The following TANC2 variants were observed in gnomAD, a reference collection of about 807,000 sequenced individuals.
TANC2 encodes the protein protein TANC2.
Under a neutral mutation model 210.5 loss-of-function variants are expected in TANC2, and 26 were observed. The observed-to-expected ratio is 0.12, with a 90% CI of 0.09 to 0.17. TANC2 has a LOEUF of 0.17. TANC2 is among the 10% of genes least tolerant of loss of function. The pLI is 1.00. For missense variants in TANC2, 2,129 were observed against 2,608.9 expected (o/e 0.82, Z 4.01); for synonymous variants, 931 against 967.1 (o/e 0.96, Z 0.69).
At chr17:63,384,264 G>T (rs2047706131) in intron 15 of TANC2, among the ~76,000 whole-genome samples, 1 of 151,884 alleles carries the variant, frequency 6.6e-6, no homozygotes, top group African/African-American at 2.4e-5. Context: ...AGAGATGGGG[G>T]TCTCACCATG....
intron 3 of TANC2, among the ~76,000 whole-genome samples, chr17:63,094,995 C>T (rs768520058): frequency 3.3e-5 from 5 of 151,844 alleles, no homozygotes; most frequent in Non-Finnish European, 5.9e-5. Context: ...ATTCCTCCCC[C>T]GCCCCGCCTT....
intron 14 of TANC2, among the ~76,000 whole-genome samples, chr17:63,369,576 C>T (rs1453165287): frequency 1.2e-4 from 15 of 128,568 alleles, no homozygotes; most frequent in Non-Finnish European, 1.8e-4. Context: ...TTTTTTGAGA[C>T]GGGGTCTCAC....
intron 14 of TANC2, among the ~76,000 whole-genome samples, chr17:63,361,992 C>T (rs1598943187): frequency 6.6e-6 from 1 of 152,108 alleles, no homozygotes; most frequent in African/African-American, 2.4e-5. Context: ...AGAGAGGAGA[C>T]CTGGAATGGG....
At chr17:63,328,446 T>C (rs2045728211) in intron 11 of TANC2, among the ~76,000 whole-genome samples, 1 of 151,730 alleles carries the variant, frequency 6.6e-6, no homozygotes, top group Non-Finnish European at 1.5e-5. Context: ...AGAATACTAC[T>C]TAGCCTTTAA....
chr17:63,322,287 A>C (rs2045518751), intron 11 of TANC2, among the ~76,000 whole-genome samples: 1 of 152,182 alleles, frequency 6.6e-6, no homozygotes, highest in Admixed American at 6.5e-5. Flanking sequence ...CCACAAGGTC[A>C]GGAGATCGAG....
intron 13 of TANC2, among the ~76,000 whole-genome samples, chr17:63,352,842 G>C (rs2046657213): frequency 6.6e-6 from 1 of 151,966 alleles, no homozygotes; most frequent in African/African-American, 2.4e-5. Context: ...CTGTTCTAGG[G>C]GCTGGAGATT....
At chr17:62,988,317 T>TTA (rs1555744001) in intron 1 of TANC2, among the ~76,000 whole-genome samples, 8 of 150,056 alleles carry the variant, frequency 5.3e-5, no homozygotes, top group Admixed American at 5.3e-4. Flanking sequence ...TTTTTTTTTT[T>TTA]AGTAGAGATG....
chr17:63,342,852 A>G (rs1598898129), intron 12 of TANC2, among the ~76,000 whole-genome samples: 1 of 152,346 alleles, frequency 6.6e-6, no homozygotes, highest in East Asian at 1.9e-4. Context: ...TAGTTTTGCT[A>G]CAAGATATAT....
At chr17:63,023,938 A>G (rs1351325864) in intron 2 of TANC2, among the ~76,000 whole-genome samples, 2 of 152,196 alleles carry the variant, frequency 1.3e-5, no homozygotes, top group African/African-American at 2.4e-5. Context: ...AGTGCTTCTC[A>G]TCAGATAGAC....
Position 63,420,191 on chromosome 17 carries a change from C to T in TANC2, c.4461C>T (p.Asp1487=). 1 of 1,594,426 alleles carries T rather than the reference C, an allele frequency of 6.3e-7. No homozygotes were observed. The highest frequency in any genetic ancestry group is 8.5e-7 in the Non-Finnish European group (1 of 1,169,896). ...CAGAACCTGAGCCACAGCATGAAGA[C>T]ATATACTCTGTACAGGATATATTCG... Residue 1487 remains aspartate (D), a synonymous_variant, in exon 28 of 28, where the codon GAC becomes GAT. Coordinates refer to ENST00000689528, the Ensembl canonical transcript of TANC2. The surrounding 1 kb of genome is among the most constrained non-coding windows in gnomAD (Gnocchi z 4.2).
chr17:63,421,492 C>T lies in TANC2; in HGVS notation c.5762C>T (p.Pro1921Leu). ...ACTCAAGGAGGTTACCCCAGTGAGCCCACCCGATCCAGGACCACACCATTC... is the reference window on the plus strand; with the variant it reads ...ACTCAAGGAGGTTACCCCAGTGAGCTCACCCGATCCAGGACCACACCATTC... The change falls in exon 28 of 28, where the codon CCC (proline) becomes CTC (leucine). Residue 1921 changes from proline (P) to leucine (L), a missense_variant. Coordinates refer to ENST00000689528, the Ensembl canonical transcript of TANC2. The surrounding 1 kb of genome is among the most constrained non-coding windows in gnomAD (Gnocchi z 6.9). 1.2e-6 allele frequency: 2 copies of T among 1,613,964 alleles called. No homozygotes were observed. Among genetic ancestry groups the T allele is most frequent in the Non-Finnish European group, 1.7e-6 (2 of 1,179,894 alleles).
intron 2 of TANC2, among the ~76,000 whole-genome samples, chr17:63,028,304 A>G (rs2034635171): frequency 1.3e-5 from 2 of 152,172 alleles, no homozygotes; most frequent in African/African-American, 4.8e-5. Context: ...GTAAAACTTC[A>G]CTTCTACTCT....
intron 2 of TANC2, among the ~76,000 whole-genome samples, chr17:63,059,628 TC>T (rs1487124455): frequency 1.3e-5 from 2 of 152,170 alleles, no homozygotes; most frequent in African/African-American, 4.8e-5. Flanking sequence ...TTTTTCATTT[TC>T]CCAGTTTTCA....
At chr17:63,295,392 T>C (rs2044504454) in intron 9 of TANC2, among the ~76,000 whole-genome samples, 1 of 152,258 alleles carries the variant, frequency 6.6e-6, no homozygotes, top group South Asian at 2.1e-4. Context: ...TAATAGACTA[T>C]TTCTCAGAAA....
intron 4 of TANC2, among the ~76,000 whole-genome samples, chr17:63,128,881 T>G (rs1482696008): frequency 1.3e-5 from 2 of 152,236 alleles, no homozygotes; most frequent in Admixed American, 1.3e-4. Flanking sequence ...TAGTAACGTG[T>G]CATTCCTATC....
intron 9 of TANC2, among the ~76,000 whole-genome samples, chr17:63,302,517 C>T (rs1326370937): frequency 6.7e-6 from 1 of 150,134 alleles, no homozygotes; most frequent in Non-Finnish European, 1.5e-5. Flanking sequence ...ATCCCTTTAC[C>T]ATTATGTAAT....
intron 1 of TANC2, among the ~76,000 whole-genome samples, chr17:63,006,383 A>T (rs1180787019): frequency 1.3e-5 from 2 of 151,968 alleles, no homozygotes; most frequent in Non-Finnish European, 2.9e-5. Context: ...TTTACTTCTA[A>T]TACATACATT....
intron 4 of TANC2, among the ~76,000 whole-genome samples, chr17:63,102,186 A>G (rs1483184920): frequency 1.3e-5 from 2 of 152,080 alleles, no homozygotes; most frequent in Non-Finnish European, 2.9e-5. Context: ...TGCCACCCAT[A>G]TGTAGTCCTA....
At chr17:63,360,770 C>T (rs560583862) in intron 14 of TANC2, among the ~76,000 whole-genome samples, 2 of 152,106 alleles carry the variant, frequency 1.3e-5, no homozygotes, top group Admixed American at 6.5e-5. Flanking sequence ...CCATGCCCCC[C>T]CTTTCCACCA....
Sources: gnomAD v4.1 joint callset for allele counts (sites outside exome capture counted in the v4.1 genomes callset) on GRCh38, gnomAD v4.1.1 for gene constraint, Gnocchi (gnomAD v3.1) non-coding constraint, MANE v1.5 for transcripts, NCBI Gene and HGNC (gene_info 2026-07-23, HGNC 2026-07-21) for gene names.